The following PUSL1 variants were observed in gnomAD, a reference collection of about 807,000 sequenced individuals.
The protein encoded by PUSL1 is pseudouridine synthase like 1.
In PUSL1, 51 loss-of-function variants were observed where a neutral mutation model predicts 30.7. The ratio of observed to expected loss-of-function variants is 1.66; its 90% CI spans 1.33 to 2.10. The LOEUF is 2.10. Among genes scored for constraint, PUSL1 ranks in the 30% most tolerant of loss-of-function variants. The pLI, the probability that PUSL1 is intolerant of heterozygous loss-of-function variation, is 0.00. For missense variants in PUSL1, 609 were observed against 427.6 expected, an observed-to-expected ratio of 1.42 and a Z score of -3.74; for synonymous variants, 290 against 192.1, an observed-to-expected ratio of 1.51 and a Z score of -4.21.
Position 1,311,359 on chromosome 1 carries a change from C to G in PUSL1, c.892C>G (p.Gln298Glu). ...GAASCTLQGP[Q>E]FGSHG ...TGCCTCCTGCACCCTGCAGGGGCCA[C>G]AGTTCGGGAGCCACGGATGACCCTG... Residue 298 changes from glutamine (Q) to glutamate (E), a missense_variant, in exon 8 of 8, where the codon CAG becomes GAG. Gln to Glu is a conservative substitution (Grantham distance 29, BLOSUM62 2). Coordinates refer to ENST00000379031, the MANE Select transcript of PUSL1 (RefSeq NM_153339.3). The G allele has an allele frequency of 6.3e-7, 1 of 1,595,526 alleles. No homozygotes were observed. Among genetic ancestry groups the G allele is most frequent in the Non-Finnish European group, 8.6e-7 (1 of 1,169,292 alleles).
rs767945512 is a variant in PUSL1, at chr1:1,309,597, C to T, written c.467C>T (p.Pro156Leu). ...GAACGCAACCTATGCTGGACTCTCCCGGCAGAGTGAGTGTGGCCCTGACAG... is the reference window on the plus strand; with the variant it reads ...GAACGCAACCTATGCTGGACTCTCCTGGCAGAGTGAGTGTGGCCCTGACAG... The part of the protein sequence containing the change: ...VFERNLCWTL[P>L]ADCLDMVAMQ... Residue 156 changes from proline to leucine, a missense_variant, in exon 4 of 8, where the codon CCG becomes CTG. Coordinates refer to ENST00000379031, the MANE Select transcript of PUSL1 (RefSeq NM_153339.3). The T allele has an allele frequency of 2.5e-6, 4 of 1,610,884 alleles. No homozygotes were observed. The highest frequency in any genetic ancestry group is 2.2e-5 in the South Asian group (2 of 91,028).
At position 1,311,618 on chromosome 1, in the gene PUSL1, C is replaced by T. The variant is rs916925191; in HGVS notation, c.*239C>T. 5 of 712,710 alleles carry T rather than the reference C, an allele frequency of 7.0e-6. No homozygotes were observed. The highest frequency in any genetic ancestry group is 2.7e-5 in the East Asian group (1 of 37,118). 44.1% of individuals were successfully genotyped at this position (712,710 alleles called of 1,614,324 possible). A position where few individuals can be genotyped will look rare whatever the true frequency, so the allele number is the denominator to read the frequency against. ...CAAGTAGTCTTTTGTTCAGCTTTTA[C>T]TGGAAACTGCTGTCTAGGACCACCT... On this transcript the variant is annotated 3_prime_UTR_variant, in exon 8 of 8. Coordinates refer to ENST00000379031, the MANE Select transcript of PUSL1 (RefSeq NM_153339.3).
rs1392310703 is a variant in PUSL1, at chr1:1,311,007, G to C, written c.798G>C (p.Lys266Asn). The change falls in exon 7 of 8, where the codon AAG (lysine) becomes AAC (asparagine). Residue 266 changes from lysine (K) to asparagine (N), a missense_variant. Transcript: ENST00000379031. Reference sequence around the variant, plus strand: ...TGGAGAGCCAAGATCCCCTGGGCAAGCACCAGACACGTGTAGCCCCAGCCC... The same window carrying C: ...TGGAGAGCCAAGATCCCCTGGGCAACCACCAGACACGTGTAGCCCCAGCCC... ...TILESQDPLG[K>N]HQTRVAPAHG... The C allele has an allele frequency of 6.2e-7, 1 of 1,612,756 alleles. No homozygotes were observed. Among genetic ancestry groups the C allele is most frequent in the Non-Finnish European group, 8.5e-7 (1 of 1,179,954 alleles).
rs1162199883 is a variant in PUSL1 at position 1,311,497 on chromosome 1, C to T, written c.*118C>T. 5.4e-6 allele frequency: 6 copies of T among 1,101,990 alleles called. No homozygotes were observed. In the East Asian group the frequency reaches 1.0e-4, roughly 19 times the overall value. The allele number at this position is 1,101,990 out of a possible 1,614,324, so 68.3% of individuals were successfully genotyped here. On this transcript the variant is annotated 3_prime_UTR_variant, in exon 8 of 8. Coordinates refer to ENST00000379031, the MANE Select transcript of PUSL1 (RefSeq NM_153339.3). Reference sequence around the variant, plus strand: ...TGCTGCCTGGTCTCCACAGTAGCCTCCCTGCCCGGGTCCCAGCACCCTGGA... The same window carrying T: ...TGCTGCCTGGTCTCCACAGTAGCCTTCCTGCCCGGGTCCCAGCACCCTGGA...
chr1:1,311,309 C>T, intron 7 of PUSL1, 21 bp from the exon 8 acceptor site: 1 of 1,537,688 alleles, frequency 6.5e-7, no homozygotes, highest in Non-Finnish European at 8.8e-7. Flanking sequence ...CAGGCTGACG[C>T]AGGGTCTGGT....
In PUSL1 at chr1:1,308,729, C is replaced by T. The variant is rs1557619033; in HGVS notation, c.77+9C>T. On this transcript the variant is annotated intron_variant, in intron 1 of 7. Transcript: ENST00000379031. ...GTGGGCACCGACTTTAAGTAGGTTT[C>T]CCAGGCGCAGCGGCGGGCGCCACGT... The T allele has an allele frequency of 1.9e-6, 3 of 1,543,694 alleles. No individual in the cohort carries two copies. Among genetic ancestry groups the T allele is most frequent in the Non-Finnish European group, 2.6e-6 (3 of 1,146,896 alleles).
rs202181704 is a variant in PUSL1 at position 1,311,064 on chromosome 1, G to A, written c.855G>A (p.Gly285=). 2.5e-6 allele frequency: 4 copies of A among 1,598,696 alleles called. No homozygotes were observed. The highest frequency in any genetic ancestry group is 1.1e-5 in the South Asian group (1 of 90,762). Residue 285 remains glycine, a synonymous_variant, in exon 7 of 8, where the codon GGG becomes GGA. Transcript: ENST00000379031. ...TATTCCTCAAGTCAGTGCTGTACGG[G>A]AACCTCGGTAAGAAAAACAGGCACG... is the stretch of plus-strand genomic sequence containing the variant. ...HGLFLKSVLY[G]NLGAASCTLQ...
In PUSL1 at chr1:1,308,976, C is replaced by T; in HGVS notation, c.135+4C>T. The T allele has an allele frequency of 7.1e-7, 1 of 1,412,008 alleles. No individual in the cohort carries two copies. Among genetic ancestry groups the T allele is most frequent in the Non-Finnish European group, 9.2e-7 (1 of 1,087,026 alleles). The allele number at this position is 1,412,008 out of a possible 1,614,324, so 87.5% of individuals were successfully genotyped here. ...CGGGGTCCAGAACTACCTGGAGGTGCGCTCAGCCGGTCACGGGACGCCCGG... is the reference window on the plus strand; with the variant it reads ...CGGGGTCCAGAACTACCTGGAGGTGTGCTCAGCCGGTCACGGGACGCCCGG... On this transcript the variant is annotated splice_donor_region_variant and intron_variant, in intron 2 of 7. Coordinates refer to ENST00000379031, the MANE Select transcript of PUSL1 (RefSeq NM_153339.3).
At chr1:1,310,593 A>C in intron 5 of PUSL1, 41 bp from the exon 6 acceptor site, 1 of 1,461,444 alleles carries the variant, frequency 6.8e-7, no homozygotes. Context: ...GAGGATGGCA[A>C]ACACTGCCCC....
chr1:1,309,009 T>G (rs763246030), intron 2 of PUSL1, 37 bp downstream of exon 2: 1 of 1,392,346 alleles, frequency 7.2e-7, no homozygotes, highest in South Asian at 1.6e-5. Flanking sequence ...CGGTGAGGGG[T>G]AAGGGGGAGG....
At chr1:1,311,173 G>A in intron 7 of PUSL1, 102 bp downstream of exon 7, 1 of 1,477,144 alleles carries the variant, frequency 6.8e-7, no homozygotes, top group Non-Finnish European at 9.1e-7. Context: ...AGCAACTGGG[G>A]GTGAAGCAGC....
chr1:1,309,557 G>A lies in PUSL1; in HGVS notation c.427G>A (p.Glu143Lys), dbSNP rs1381583033. The A allele has an allele frequency of 1.9e-6, 3 of 1,611,604 alleles. No homozygotes were observed. Among genetic ancestry groups the A allele is most frequent in the Non-Finnish European group, 2.5e-6 (3 of 1,179,614 alleles). Residue 143 changes from glutamate to lysine, a missense_variant, in exon 4 of 8, where the codon GAG (glutamate) becomes AAG (lysine). Glu to Lys is a moderately conservative substitution (Grantham distance 56). Transcript: ENST00000379031. ...GGCCACTGGCTGTCACCGGCGTGAT[G>A]AGCTGCCGGTGTTTGAACGCAACCT... Reference protein sequence around the residue: ...RLATGCHRRDELPVFERNLCW... With the variant: ...RLATGCHRRDKLPVFERNLCW...
chr1:1,309,305 G>T (rs775445811), intron 3 of PUSL1, 32 bp downstream of exon 3: 34 of 1,462,164 alleles, frequency 2.3e-5, no homozygotes, highest in East Asian at 1.5e-4. Context: ...CCCTGGGGCT[G>T]TGCCTTCCCG....
chr1:1,310,100 G>T, intron 5 of PUSL1: 1 of 517,984 alleles, frequency 1.9e-6, no homozygotes, highest in Non-Finnish European at 3.4e-6. Context: ...CCTGATGGAA[G>T]AATGTTGGCA....
chr1:1,310,602 C>G (rs751284810), intron 5 of PUSL1, 32 bp from the exon 6 acceptor site: 15 of 1,499,676 alleles, frequency 1.0e-5, no homozygotes, highest in African/African-American at 1.4e-5. Context: ...AAACACTGCC[C>G]CACAGACACC....
In PUSL1 at chr1:1,308,664, A is replaced by G. The variant is rs1428589843; in HGVS notation, c.21A>G (p.Ser7=). The stretch of plus-strand genomic sequence containing the variant: ...CCGCCATGAGTTCGGCGCCGGCCTC[A>G]GGCTCCGTGCGCGCGCGCTATCTTG... The part of the protein sequence containing the change: MSSAPA[S]GSVRARYLVY... Residue 7 remains serine (S), a synonymous_variant, in exon 1 of 8, where the codon TCA becomes TCG. Coordinates refer to ENST00000379031, the MANE Select transcript of PUSL1 (RefSeq NM_153339.3). 5 of 1,534,954 alleles carry G rather than the reference A, an allele frequency of 3.3e-6. No individual in the cohort carries two copies. Among genetic ancestry groups the G allele is most frequent in the South Asian group, 2.4e-5 (2 of 83,174 alleles).
intron 1 of PUSL1, 23 bp downstream of exon 1, chr1:1,308,743 C>G: frequency 1.3e-6 from 2 of 1,511,916 alleles, no homozygotes; most frequent in Non-Finnish European, 1.8e-6. Flanking sequence ...GGCGCAGCGG[C>G]GGGCGCCACG....
At position 1,311,364 on chromosome 1, in the gene PUSL1, C is replaced by T. The variant is rs773819408; in HGVS notation, c.897C>T (p.Phe299=). 8.1e-6 allele frequency: 13 copies of T among 1,596,648 alleles called. No homozygotes were observed. The highest frequency in any genetic ancestry group is 2.7e-5 in the African/African-American group (2 of 74,668). The change falls in exon 8 of 8, where the codon TTC becomes TTT. Residue 299 remains phenylalanine (F), a synonymous_variant. Coordinates refer to ENST00000379031, the MANE Select transcript of PUSL1 (RefSeq NM_153339.3). ...AASCTLQGPQ[F]GSHG ...CCTGCACCCTGCAGGGGCCACAGTT[C>T]GGGAGCCACGGATGACCCTGGACAC...
chr1:1,309,970 G>A (rs1005270034), intron 5 of PUSL1, 119 bp downstream of exon 5: 4 of 788,630 alleles, frequency 5.1e-6, no homozygotes, highest in Admixed American at 6.2e-5. Context: ...GGAGTCCTCA[G>A]GACCTGGACA....
Sources: gnomAD v4.1 joint callset for allele counts on GRCh38, gnomAD v4.1.1 for gene constraint, MANE v1.5 for transcripts, NCBI Gene and HGNC (gene_info 2026-07-23, HGNC 2026-07-21) for gene names.